Variants in ZNRF2 observed in about 807,000 individuals in gnomAD.
The protein encoded by ZNRF2 is E3 ubiquitin-protein ligase ZNRF2.
A neutral mutation model predicts 20.4 loss-of-function variants in ZNRF2; 16 were observed. That is an observed-to-expected ratio of 0.79 (90% confidence interval 0.53 to 1.19). The LOEUF (loss-of-function observed/expected upper bound fraction) is 1.19. ZNRF2 is among the 50% of genes most tolerant of loss of function. The probability of loss-of-function intolerance (pLI) is 0.00; values close to 1 mark genes in which losing one functional copy is unlikely to be tolerated. For missense variants in ZNRF2, 363 were observed against 332.4 expected (o/e 1.09, Z -0.72); for synonymous variants, 178 against 144.9 (o/e 1.23, Z -1.64).
chr7:30,328,093 C>T (rs1177372595), intron 2 of ZNRF2, among the ~76,000 whole-genome samples: 1 of 152,110 alleles, frequency 6.6e-6, no homozygotes, highest in Non-Finnish European at 1.5e-5. Context: ...AATGTACTTT[C>T]CTATCATAGG....
intron 3 of ZNRF2, among the ~76,000 whole-genome samples, chr7:30,361,372 C>T (rs969224073): frequency 6.6e-6 from 1 of 152,200 alleles, no homozygotes; most frequent in Non-Finnish European, 1.5e-5. Flanking sequence ...TTCATCTTAT[C>T]ACTTTTACCT....
At position 30,361,515 on chromosome 7, in the gene ZNRF2, A is replaced by C. The variant is rs530728079; in HGVS notation, c.672-862A>C. ...CCAATGAAAATGTTGAACAGGTTGAATCCTGCTTGGATAACTTGCTAGCTG... is the reference window on the plus strand; with the variant it reads ...CCAATGAAAATGTTGAACAGGTTGACTCCTGCTTGGATAACTTGCTAGCTG... On this transcript the variant is annotated intron_variant, in intron 3 of 4. Coordinates refer to ENST00000323037, the MANE Select transcript of ZNRF2 (RefSeq NM_147128.4). Among the ~76,000 whole-genome samples the C allele has an allele frequency of 3.9e-5, 6 of 152,352 alleles. No individual in the cohort carries two copies. The South Asian group carries it at 1.2e-3, about 32-fold the overall frequency.
intron 1 of ZNRF2, among the ~76,000 whole-genome samples, chr7:30,321,464 T>C (rs1257988861): frequency 1.3e-5 from 2 of 152,152 alleles, no homozygotes; most frequent in East Asian, 1.9e-4. Context: ...TTAAATATTA[T>C]TTATTTTCAT....
intron 1 of ZNRF2, among the ~76,000 whole-genome samples, chr7:30,299,773 C>G (rs977701121): frequency 6.9e-6 from 1 of 145,856 alleles, no homozygotes; most frequent in Non-Finnish European, 1.5e-5. Flanking sequence ...CTTCTAAAAC[C>G]TGCTTTTTTT....
chr7:30,343,513 T>G (rs1199287552), intron 2 of ZNRF2, among the ~76,000 whole-genome samples: 1 of 152,176 alleles, frequency 6.6e-6, no homozygotes, highest in African/African-American at 2.4e-5. Context: ...CCTTTACAAA[T>G]GTTGCTGCTG....
chr7:30,343,389 A>C (rs1799827029), intron 2 of ZNRF2, among the ~76,000 whole-genome samples: 1 of 152,142 alleles, frequency 6.6e-6, no homozygotes, highest in African/African-American at 2.4e-5. Context: ...TGTTTCAAAA[A>C]AAGGTCTTTA....
At position 30,345,574 on chromosome 7, in the gene ZNRF2, C is replaced by CT. The variant is rs1799864101; in HGVS notation, c.566-10153dup. ...TTATTTATTATTTACTTTGTTCTTCCTAGCCTTTTCTGGATCAAGTTGCTT... is the reference window on the plus strand; with the variant it reads ...TTATTTATTATTTACTTTGTTCTTCCTTAGCCTTTTCTGGATCAAGTTGCTT... On this transcript the variant is annotated intron_variant, in intron 2 of 4. Coordinates refer to ENST00000323037, the MANE Select transcript of ZNRF2 (RefSeq NM_147128.4). Among the ~76,000 whole-genome samples, 8 of 151,690 alleles carry CT rather than the reference C, an allele frequency of 5.3e-5. No homozygotes were observed. The South Asian group carries it at 1.7e-3, about 32-fold the overall frequency.
rs1269720585 is a variant in ZNRF2 at position 30,285,393 on chromosome 7, C to T, written c.36C>T (p.Asn12=). The T allele has an allele frequency of 3.2e-6, 4 of 1,254,570 alleles. No individual in the cohort carries two copies. Among genetic ancestry groups the T allele is most frequent in the African/African-American group, 1.6e-5 (1 of 61,644 alleles). The allele number at this position is 1,254,570 out of a possible 1,614,324, so 77.7% of individuals were successfully genotyped here. A position where few individuals can be genotyped will look rare whatever the true frequency, so the allele number is the denominator to read the frequency against. ...GAKQSGPAAA[N]GRTRAYSGSD... Reference sequence around the variant, plus strand: ...AACAGAGCGGCCCGGCCGCCGCTAACGGCCGCACGCGCGCGTACTCGGGCT... The same window carrying T: ...AACAGAGCGGCCCGGCCGCCGCTAATGGCCGCACGCGCGCGTACTCGGGCT... The change falls in exon 1 of 5, where the codon AAC becomes AAT. Residue 12 remains asparagine, a synonymous_variant. Transcript: ENST00000323037.
intron 4 of ZNRF2, among the ~76,000 whole-genome samples, chr7:30,365,266 T>C (rs1266206033): frequency 2.0e-5 from 3 of 150,104 alleles, no homozygotes; most frequent in Non-Finnish European, 4.4e-5. Context: ...ATGTGGAGCA[T>C]ACATCTCATC....
At chr7:30,351,684 T>G (rs1294065387) in intron 2 of ZNRF2, among the ~76,000 whole-genome samples, 3 of 152,044 alleles carry the variant, frequency 2.0e-5, no homozygotes, top group African/African-American at 2.4e-5. Flanking sequence ...CTTAGTAGTT[T>G]AGTAACTTCT....
At chr7:30,358,476 C>A (rs1217358486) in intron 3 of ZNRF2, among the ~76,000 whole-genome samples, 1 of 152,126 alleles carries the variant, frequency 6.6e-6, no homozygotes, top group African/African-American at 2.4e-5. Flanking sequence ...ATAATGATGT[C>A]ATTTTACCTC....
At chr7:30,291,223 T>G (rs1274209419) in intron 1 of ZNRF2, among the ~76,000 whole-genome samples, 1 of 152,238 alleles carries the variant, frequency 6.6e-6, no homozygotes, top group Non-Finnish European at 1.5e-5. Flanking sequence ...GATGAGAACC[T>G]GAAGCTAGAA....
chr7:30,345,326 CT>C (rs1001202213), intron 2 of ZNRF2, among the ~76,000 whole-genome samples: 2 of 151,704 alleles, frequency 1.3e-5, no homozygotes, highest in Non-Finnish European at 2.9e-5. Flanking sequence ...TTTGTAATAG[CT>C]TTTTTTTCCC....
At chr7:30,348,118 G>C (rs746349087) in intron 2 of ZNRF2, among the ~76,000 whole-genome samples, 15 of 149,796 alleles carry the variant, frequency 1.0e-4, no homozygotes, top group Non-Finnish European at 1.2e-4. Context: ...AGTACTTTTT[G>C]GTTGAGTGGC....
At chr7:30,360,187 G>A (rs2127957634) in intron 3 of ZNRF2, among the ~76,000 whole-genome samples, 1 of 152,232 alleles carries the variant, frequency 6.6e-6, no homozygotes, top group East Asian at 1.9e-4. Flanking sequence ...GTTTCTGCCA[G>A]TTAAATCAAC....
chr7:30,299,968 A>G (rs1799084243), intron 1 of ZNRF2, among the ~76,000 whole-genome samples: 1 of 151,246 alleles, frequency 6.6e-6, no homozygotes, highest in East Asian at 2.0e-4. Context: ...TATTTTTAAT[A>G]GAGACGGGGT....
intron 1 of ZNRF2, among the ~76,000 whole-genome samples, chr7:30,295,050 A>AGAGTGTGTGTGT (rs1412764480): frequency 7.8e-5 from 3 of 38,280 alleles, no homozygotes; most frequent in Admixed American, 2.7e-4. Context: ...AGAGAGAGAG[A>AGAGTGTGTGTGT]GTGTGTGTGT....
At chr7:30,353,408 T>A (rs1340456589) in intron 2 of ZNRF2, among the ~76,000 whole-genome samples, 1 of 152,130 alleles carries the variant, frequency 6.6e-6, no homozygotes, top group East Asian at 1.9e-4. Flanking sequence ...GTTCTGATTA[T>A]TTTTTATTGC....
Position 30,285,636 on chromosome 7 carries a change from G to C in ZNRF2, c.279G>C (p.Gly93=). Residue 93 remains glycine, a synonymous_variant, in exon 1 of 5, where the codon GGG becomes GGC. Coordinates refer to ENST00000323037, the MANE Select transcript of ZNRF2 (RefSeq NM_147128.4). Reference sequence around the variant, plus strand: ...GGGCCGTGGGGAGCGTGGCGTCGGGGGCCCGCGCGGCGCAGTCCCCCTTCA... The same window carrying C: ...GGGCCGTGGGGAGCGTGGCGTCGGGCGCCCGCGCGGCGCAGTCCCCCTTCA... ...LGGAVGSVAS[G]ARAAQSPFSI... is the part of the protein sequence containing the mutation. 7.9e-7 allele frequency: 1 copy of C among 1,269,322 alleles called. No homozygotes were observed. The highest frequency in any genetic ancestry group is 9.9e-7 in the Non-Finnish European group (1 of 1,011,274). 78.6% of individuals were successfully genotyped at this position (1,269,322 alleles called of 1,614,324 possible). A position where few individuals can be genotyped will look rare whatever the true frequency, so the allele number is the denominator to read the frequency against.
Sources: gnomAD v4.1 joint callset for allele counts (sites outside exome capture counted in the v4.1 genomes callset) on GRCh38, gnomAD v4.1.1 for gene constraint, MANE v1.5 for transcripts, NCBI Gene and HGNC (gene_info 2026-07-23, HGNC 2026-07-21) for gene names.